Variants in TRA2A observed in about 807,000 individuals in gnomAD.
The protein encoded by TRA2A is transformer 2 alpha homolog.
TRA2A carries 31 observed loss-of-function variants against 45.7 expected under a neutral mutation model. The observed-to-expected ratio is 0.68, with a 90% CI of 0.51 to 0.92. The LOEUF is 0.92. TRA2A is among the 40% of genes least tolerant of loss of function. TRA2A has a pLI of 0.00. For synonymous variants in TRA2A, 132 were observed against 126.2 expected (o/e 1.05, Z -0.31); for missense variants, 304 against 367.5 (o/e 0.83, Z 1.41).
Position 23,510,447 on chromosome 7 carries a change from A to G in TRA2A, c.525+2447T>C, listed in dbSNP as rs189053967. ...TAGGTTCAAGCAATTCTCCTGCCTC[A>G]GCCTCCCGAGTAGCTTGGGGTTACA... On this transcript the variant is annotated intron_variant, in intron 4 of 7. Coordinates refer to ENST00000297071, the MANE Select transcript of TRA2A (RefSeq NM_013293.5). Among the ~76,000 whole-genome samples the G allele has an allele frequency of 3.8e-3, 575 of 152,220 alleles. 4 individuals are homozygous for G. Among genetic ancestry groups the G allele is most frequent in the African/African-American group, 0.013 (558 of 41,542 alleles).
chr7:23,511,053 G>A (rs1481282552), intron 4 of TRA2A, among the ~76,000 whole-genome samples: 1 of 152,014 alleles, frequency 6.6e-6, no homozygotes, highest in African/African-American at 2.4e-5. Context: ...CCCACCAGAT[G>A]CCAAGAACTT....
intron 4 of TRA2A, among the ~76,000 whole-genome samples, chr7:23,512,272 T>G (rs1442377495): frequency 2.0e-5 from 3 of 152,156 alleles, no homozygotes; most frequent in Non-Finnish European, 4.4e-5. Flanking sequence ...GAGGATCACT[T>G]GAGGCCAGGA....
At chr7:23,513,103 T>C in intron 3 of TRA2A, 21 bp from the exon 4 acceptor site, 1 of 1,544,110 alleles carries the variant, frequency 6.5e-7, no homozygotes, top group Non-Finnish European at 8.8e-7. Context: ...GAAATATTAT[T>C]TAAAACTCCA....
Position 23,505,772 on chromosome 7 carries a change from C to A in TRA2A, c.812G>T (p.Arg271Leu), listed in dbSNP as rs141362754. 3 of 1,561,150 alleles carry A rather than the reference C, an allele frequency of 1.9e-6. No homozygotes were observed. In the South Asian group the frequency reaches 3.7e-5, roughly 19 times the overall value. Residue 271 changes from arginine to leucine, a missense_variant, in exon 7 of 8, where the codon CGA becomes CTA. Arg to Leu is a moderately radical substitution (Grantham distance 102, BLOSUM62 -2). Coordinates refer to ENST00000297071, the MANE Select transcript of TRA2A (RefSeq NM_013293.5). ...TGGGCTGTAGGAACGAGATCTTGAT[C>A]GTGATCTATATCGACTATAATAAGG... ...PSPYYSRYRS[R>L]SRSRSYSPRR...
chr7:23,524,229 G>C (rs887087167), intron 1 of TRA2A, among the ~76,000 whole-genome samples: 9 of 152,080 alleles, frequency 5.9e-5, no homozygotes, highest in Non-Finnish European at 2.9e-5. Context: ...TGTCACCCAG[G>C]CTGGAGTGTA....
At chr7:23,507,701 A>C (rs1789407842) in intron 4 of TRA2A, among the ~76,000 whole-genome samples, 166 bp from the exon 5 acceptor site, 1 of 152,244 alleles carries the variant, frequency 6.6e-6, no homozygotes, top group Non-Finnish European at 1.5e-5. Flanking sequence ...AGACCTCAAC[A>C]ATGTCCAGAA....
Position 23,522,739 on chromosome 7 carries a change from C to G in TRA2A, c.37-899G>C, listed in dbSNP as rs1333217615. Among the ~76,000 whole-genome samples, 8 of 152,152 alleles carry G rather than the reference C, an allele frequency of 5.3e-5. No individual in the cohort carries two copies. The South Asian group carries it at 1.0e-3, about 20-fold the overall frequency. Reference sequence around the variant, plus strand: ...TAATATAATTCAAATATAAATCTAACAACTATAATTTCCCCCCACCTAAGT... The same window carrying G: ...TAATATAATTCAAATATAAATCTAAGAACTATAATTTCCCCCCACCTAAGT... On this transcript the variant is annotated intron_variant, in intron 1 of 7. Coordinates refer to ENST00000297071, the MANE Select transcript of TRA2A (RefSeq NM_013293.5).
rs575463937 is a variant in TRA2A, at chr7:23,505,159, A to G, written c.*400T>C. On this transcript the variant is annotated 3_prime_UTR_variant, in exon 8 of 8. Coordinates refer to ENST00000297071, the MANE Select transcript of TRA2A (RefSeq NM_013293.5). ...CTTCATGTGTTACTTTCCCAAAAAT[A>G]AAGTTAAAAAAAAAAAGGAACTCAT... is the stretch of plus-strand genomic sequence containing the variant. The G allele has an allele frequency of 4.7e-5, 8 of 170,108 alleles. No homozygotes were observed. Among genetic ancestry groups the G allele is most frequent in the African/African-American group, 1.9e-4 (8 of 42,460 alleles). The allele number at this position is 170,108 out of a possible 1,614,324, so 10.5% of individuals were successfully genotyped here.
Position 23,531,938 on chromosome 7 carries a change from G to A in TRA2A, c.-114C>T. 8.5e-7 allele frequency: 1 copy of A among 1,170,318 alleles called. No individual in the cohort carries two copies. The highest frequency in any genetic ancestry group is 1.2e-6 in the Non-Finnish European group (1 of 803,546). 72.5% of individuals were successfully genotyped at this position (1,170,318 alleles called of 1,614,324 possible). A position where few individuals can be genotyped will look rare whatever the true frequency, so the allele number is the denominator to read the frequency against. The stretch of plus-strand genomic sequence containing the variant: ...GAAGAGGAAAGAGTCGGCAACCACA[G>A]CCGCTCCACTCCACTCCCACTCGGT... On this transcript the variant is annotated 5_prime_UTR_variant, in exon 1 of 8. Transcript: ENST00000297071.
At chr7:23,511,295 C>T (rs7779489) in intron 4 of TRA2A, among the ~76,000 whole-genome samples, 1 of 142,414 alleles carries the variant, frequency 7.0e-6, no homozygotes, top group Non-Finnish European at 1.5e-5. Context: ...GGCATGAACC[C>T]GGGAGGTAGA....
At chr7:23,516,069 G>A (rs925476808) in intron 3 of TRA2A, among the ~76,000 whole-genome samples, 5 of 152,034 alleles carry the variant, frequency 3.3e-5, no homozygotes, top group South Asian at 2.1e-4. Context: ...CTATTCAGGA[G>A]GCTAAGGCCG....
At chr7:23,515,943 G>A (rs1789847722) in intron 3 of TRA2A, among the ~76,000 whole-genome samples, 1 of 151,908 alleles carries the variant, frequency 6.6e-6, no homozygotes, top group South Asian at 2.1e-4. Flanking sequence ...GGGAGGCCAA[G>A]GCAGGTGGAT....
At chr7:23,512,220 G>C (rs1009115722) in intron 4 of TRA2A, among the ~76,000 whole-genome samples, 1 of 152,182 alleles carries the variant, frequency 6.6e-6, no homozygotes, top group Non-Finnish European at 1.5e-5. Flanking sequence ...GGACACAACA[G>C]GCCATGTATG....
chr7:23,506,074 T>C, intron 6 of TRA2A, 64 bp downstream of exon 6: 1 of 1,411,786 alleles, frequency 7.1e-7, no homozygotes. Context: ...GTATCCAACA[T>C]AAAAGTGCCA....
chr7:23,516,511 T>C lies in TRA2A; in HGVS notation c.188A>G (p.His63Arg). 2 of 1,614,130 alleles carry C rather than the reference T, an allele frequency of 1.2e-6. No homozygotes were observed. Among genetic ancestry groups the C allele is most frequent in the Non-Finnish European group, 1.7e-6 (2 of 1,180,022 alleles). ...RSKSRSRSRR[H>R]SHRRYTRSRS... ...GGATCGAGTGTAACGTCTATGAGAA[T>C]GTCTCCTTGACCTCGACCTTTGAGA... Residue 63 changes from histidine to arginine, a missense_variant, in exon 3 of 8, where the codon CAT becomes CGT. By Grantham distance (29) the His-to-Arg change is conservative. This residue lies in a region of TRA2A where 132 missense variants were observed against 113.4 expected (regional missense o/e 1.16). Coordinates refer to ENST00000297071, the MANE Select transcript of TRA2A (RefSeq NM_013293.5).
intron 3 of TRA2A, among the ~76,000 whole-genome samples, chr7:23,514,090 G>C (rs952563938): frequency 1.4e-5 from 2 of 144,952 alleles, no homozygotes; most frequent in East Asian, 4.0e-4. Context: ...TTTTTGAGAC[G>C]GAGTTTCACT....
intron 2 of TRA2A, 72 bp from the exon 3 acceptor site, chr7:23,516,600 T>C: frequency 7.4e-7 from 1 of 1,351,956 alleles, no homozygotes; most frequent in Non-Finnish European, 1.1e-6. Context: ...TCCAAGAAGG[T>C]ATACATATAT....
intron 2 of TRA2A, among the ~76,000 whole-genome samples, chr7:23,520,885 G>C (rs1238657298): frequency 6.6e-6 from 1 of 151,972 alleles, no homozygotes; most frequent in Non-Finnish European, 1.5e-5. Flanking sequence ...TAGAGGCAGG[G>C]TTTCACCATG....
chr7:23,506,362 G>A (rs919494182), intron 5 of TRA2A, 96 bp from the exon 6 acceptor site: 4 of 1,356,274 alleles, frequency 2.9e-6, no homozygotes, highest in South Asian at 1.8e-5. Flanking sequence ...GAAAAGTGAG[G>A]AAGAACATCC....
Sources: allele counts gnomAD v4.1 joint callset (sites outside exome capture counted in the v4.1 genomes callset), GRCh38; gene constraint gnomAD v4.1.1; regional missense constraint gnomAD v4.1.1; transcripts MANE v1.5; gene names NCBI Gene and HGNC (gene_info 2026-07-23, HGNC 2026-07-21).